KCNK10: variants seen among roughly 807,000 people sequenced by gnomAD.
KCNK10 encodes the protein potassium channel subfamily K member 10.
KCNK10 carries 25 observed loss-of-function variants against 47.7 expected under a neutral mutation model. The ratio of observed to expected loss-of-function variants is 0.52; its 90% CI spans 0.38 to 0.73. The LOEUF (loss-of-function observed/expected upper bound fraction) is 0.73, where lower values mean the gene tolerates loss of function less well. KCNK10 is among the 30% of genes least tolerant of loss of function. KCNK10 has a pLI of 0.00. For synonymous variants in KCNK10, 303 were observed against 285.6 expected (o/e 1.06, Z -0.61); for missense variants, 563 against 714.5 (o/e 0.79, Z 2.42).
At chr14:88,201,966 G>A (rs1885116763) in intron 4 of KCNK10, among the ~76,000 whole-genome samples, 1 of 152,212 alleles carries the variant, frequency 6.6e-6, no homozygotes, top group South Asian at 2.1e-4. Flanking sequence ...TTGCATCTCT[G>A]TAGATACTAT....
intron 1 of KCNK10, among the ~76,000 whole-genome samples, chr14:88,301,419 G>T (rs1888095288): frequency 6.6e-6 from 1 of 151,966 alleles, no homozygotes; most frequent in Non-Finnish European, 1.5e-5. Flanking sequence ...TTAAAATTTT[G>T]AAATTTGGTT....
In KCNK10 at chr14:88,180,932, T is replaced by G. The variant is rs905606258; in HGVS notation, c.*4603A>C. 7 of 398,362 alleles carry G rather than the reference T, an allele frequency of 1.8e-5. No homozygotes were observed. The highest frequency in any genetic ancestry group is 3.1e-5 in the Non-Finnish European group (7 of 225,922). 24.7% of individuals were successfully genotyped at this position (398,362 alleles called of 1,614,324 possible). On this transcript the variant is annotated 3_prime_UTR_variant, in exon 7 of 7. Coordinates refer to ENST00000319231, the MANE Select transcript of KCNK10 (RefSeq NM_138317.3). ...CTTTGTTTCAGAGAGTTACCCTTTT[T>G]CTTTTTAAGGCCATTACTAGCCAGC...
chr14:88,238,085 C>A (rs969016119), intron 3 of KCNK10, among the ~76,000 whole-genome samples: 2 of 151,044 alleles, frequency 1.3e-5, no homozygotes, highest in African/African-American at 5.0e-5. Flanking sequence ...CTAGCACTTG[C>A]CACTTTAACC....
In KCNK10 at chr14:88,266,016, C is replaced by A. The variant is rs140434610; in HGVS notation, c.53-2465G>T. On this transcript the variant is annotated intron_variant, in intron 1 of 6. Coordinates refer to ENST00000319231, the MANE Select transcript of KCNK10 (RefSeq NM_138317.3). ...ACTAATACATCTCCCTTGCCCAGCA[C>A]TCACTGTGCTGTGCTGCTGATACAG... Among the ~76,000 whole-genome samples, 670 of 152,312 alleles carry A rather than the reference C, an allele frequency of 4.4e-3. 4 individuals carry two copies. The highest frequency in any genetic ancestry group is 7.4e-3 in the Non-Finnish European group (504 of 68,034).
intron 1 of KCNK10, among the ~76,000 whole-genome samples, chr14:88,275,693 C>CCA (rs1887511956): frequency 1.4e-5 from 1 of 72,024 alleles, no homozygotes; most frequent in African/African-American, 5.3e-5. Flanking sequence ...GCTAAAAATA[C>CCA]AAAAAAAAAA....
chr14:88,262,864 G>A (rs1248169640), intron 2 of KCNK10, among the ~76,000 whole-genome samples: 4 of 151,878 alleles, frequency 2.6e-5, no homozygotes, highest in East Asian at 1.9e-4. Context: ...TTCCTTCTTC[G>A]GGTTCTATCC....
At chr14:88,284,123 C>A (rs1329124392) in intron 1 of KCNK10, among the ~76,000 whole-genome samples, 3 of 152,106 alleles carry the variant, frequency 2.0e-5, no homozygotes, top group Non-Finnish European at 4.4e-5. Context: ...TCTTCTCAAC[C>A]CCTGCAGCAG....
chr14:88,249,442 C>T (rs1371368833), intron 2 of KCNK10, among the ~76,000 whole-genome samples: 1 of 152,190 alleles, frequency 6.6e-6, no homozygotes, highest in Admixed American at 6.5e-5. Flanking sequence ...AGTTGACTCA[C>T]AGGTGAATGA....
At chr14:88,289,766 T>C (rs182404228) in intron 1 of KCNK10, among the ~76,000 whole-genome samples, 6 of 152,334 alleles carry the variant, frequency 3.9e-5, no homozygotes, top group African/African-American at 1.2e-4. Context: ...AGTGTTCTTA[T>C]CCTTAAAATG....
In KCNK10 at chr14:88,238,176, A is replaced by G. The variant is rs1320106500; in HGVS notation, c.520+2527T>C. On this transcript the variant is annotated intron_variant, in intron 3 of 6. Transcript: ENST00000319231. ...TGCTAGCTTCAAACTTTTCTTCTGA[A>G]GCCTCCTTACCTCTCTTAGCCTTTA... 4.6e-5 allele frequency among the ~76,000 whole-genome samples: 7 copies of G among 152,198 alleles called. No homozygotes were observed. In the East Asian group the frequency reaches 1.3e-3, roughly 29 times the overall value.
intron 3 of KCNK10, among the ~76,000 whole-genome samples, chr14:88,229,624 A>G (rs1401815485): frequency 6.6e-6 from 1 of 152,172 alleles, no homozygotes; most frequent in Non-Finnish European, 1.5e-5. Flanking sequence ...ATTCACAGCC[A>G]TCTTTCTTTG....
At chr14:88,317,414 T>C (rs1053944710) in intron 1 of KCNK10, among the ~76,000 whole-genome samples, 3 of 152,140 alleles carry the variant, frequency 2.0e-5, no homozygotes, top group Non-Finnish European at 2.9e-5. Flanking sequence ...AGAATGAAAG[T>C]GTAGACCTGT....
chr14:88,308,785 A>G (rs1566721029), intron 1 of KCNK10, among the ~76,000 whole-genome samples: 1 of 152,248 alleles, frequency 6.6e-6, no homozygotes, highest in Non-Finnish European at 1.5e-5. Flanking sequence ...CAAACTAGGC[A>G]GCTCTGAGGC....
At chr14:88,269,665 G>A (rs1887355336) in intron 1 of KCNK10, among the ~76,000 whole-genome samples, 1 of 152,126 alleles carries the variant, frequency 6.6e-6, no homozygotes, top group South Asian at 2.1e-4. Context: ...TCAAACTCCT[G>A]TCCTCAAGCG....
Position 88,263,237 on chromosome 14 carries a change from A to T in KCNK10, c.367T>A (p.Cys123Ser), listed in dbSNP as rs1349958850. The T allele has an allele frequency of 6.2e-7, 1 of 1,614,186 alleles. No homozygotes were observed. ...EKAEFLRDHV[C>S]VSPQELETLI... Reference sequence around the variant, plus strand: ...GTCTCCAGCTCCTGGGGGCTCACACAGACATGATCCCGCAGGAATTCCGCC... The same window carrying T: ...GTCTCCAGCTCCTGGGGGCTCACACTGACATGATCCCGCAGGAATTCCGCC... Residue 123 changes from cysteine to serine, a missense_variant, in exon 2 of 7, where the codon TGT becomes AGT. Physicochemically the swap from Cys to Ser is moderately radical, Grantham distance 112. Coordinates refer to ENST00000319231, the MANE Select transcript of KCNK10 (RefSeq NM_138317.3).
intron 3 of KCNK10, among the ~76,000 whole-genome samples, chr14:88,232,604 C>T (rs1886187383): frequency 6.6e-6 from 1 of 152,150 alleles, no homozygotes; most frequent in African/African-American, 2.4e-5. Context: ...AAAATTTAGC[C>T]AGCTAAATGG....
intron 1 of KCNK10, among the ~76,000 whole-genome samples, chr14:88,310,960 T>A (rs1595133412): frequency 6.6e-6 from 1 of 152,160 alleles, no homozygotes; most frequent in Non-Finnish European, 1.5e-5. Context: ...ATGCAAATTA[T>A]CACAGAATCA....
Position 88,240,726 on chromosome 14 carries a change from G to A in KCNK10, c.497C>T (p.Ala166Val). The A allele has an allele frequency of 6.2e-7, 1 of 1,612,372 alleles. No homozygotes were observed. Among genetic ancestry groups the A allele is most frequent in the South Asian group, 1.1e-5 (1 of 91,052 alleles). ...ACCTATGGTCGTAATGACAGTTCCA[G>A]CAAAGAAAAAGGCACTGCCGAGGTC... ...HWDLGSAFFF[A>V]GTVITTIGYG... is the part of the protein sequence containing the mutation. Residue 166 changes from alanine (A) to valine (V), a missense_variant, in exon 3 of 7, where the codon GCT (alanine) becomes GTT (valine). Ala to Val is a moderately conservative substitution (Grantham distance 64). Coordinates refer to ENST00000319231, the MANE Select transcript of KCNK10 (RefSeq NM_138317.3).
At chr14:88,208,143 T>G (rs1885340331) in intron 4 of KCNK10, among the ~76,000 whole-genome samples, 1 of 152,256 alleles carries the variant, frequency 6.6e-6, no homozygotes, top group African/African-American at 2.4e-5. Flanking sequence ...TTCAGAAAAT[T>G]TGGTTGGTGG....
Sources: gnomAD v4.1 joint callset for allele counts (sites outside exome capture counted in the v4.1 genomes callset) on GRCh38, gnomAD v4.1.1 for gene constraint, MANE v1.5 for transcripts, NCBI Gene and HGNC (gene_info 2026-07-23, HGNC 2026-07-21) for gene names.